The following SPOP variants were observed in gnomAD, a reference collection of about 807,000 sequenced individuals.
SPOP encodes speckle type BTB/POZ protein.
Under a neutral mutation model 45.6 loss-of-function variants are expected in SPOP, and 11 were observed. The observed-to-expected ratio is 0.24, with a 90% CI of 0.15 to 0.40. The LOEUF is 0.40. Among genes scored for constraint, SPOP ranks in the 10% least tolerant of loss-of-function variants. The pLI is 1.00. For missense variants in SPOP, 152 were observed against 465.6 expected (o/e 0.33, Z 6.20); for synonymous variants, 166 against 166.3 (o/e 1.00, Z 0.01).
chr17:49,644,390 G>A (rs1482615806), intron 1 of SPOP, among the ~76,000 whole-genome samples: 1 of 152,082 alleles, frequency 6.6e-6, no homozygotes, highest in Non-Finnish European at 1.5e-5. Context: ...CAAAGTGTTG[G>A]ACCCAGTGGG....
chr17:49,622,554 A>T (rs2072241242), intron 2 of SPOP, 179 bp downstream of exon 2: 1 of 606,444 alleles, frequency 1.6e-6, no homozygotes, highest in Admixed American at 3.0e-5. Context: ...AGCCTAGGGA[A>T]TTTAGATTCC....
At chr17:49,649,913 G>A (rs751696586) in intron 1 of SPOP, among the ~76,000 whole-genome samples, 15 of 152,040 alleles carry the variant, frequency 9.9e-5, no homozygotes, top group African/African-American at 1.4e-4. Context: ...TTATTGAGAC[G>A]GAGTTTCGCT....
At chr17:49,602,880 A>C (rs1301780938) in intron 8 of SPOP, among the ~76,000 whole-genome samples, 1 of 152,248 alleles carries the variant, frequency 6.6e-6, no homozygotes, top group African/African-American at 2.4e-5. Flanking sequence ...TGGTTCAGAT[A>C]CAGCTCTACC....
intron 1 of SPOP, among the ~76,000 whole-genome samples, chr17:49,673,803 A>G (rs1040374844): frequency 6.6e-6 from 1 of 152,072 alleles, no homozygotes; most frequent in Non-Finnish European, 1.5e-5. Flanking sequence ...CTGTTTTCTA[A>G]TTGTTCTCTT....
At chr17:49,602,299 T>A in intron 8 of SPOP, 1 of 259,612 alleles carries the variant, frequency 3.9e-6, no homozygotes, top group Non-Finnish European at 7.4e-6. Context: ...AAGTTTACTC[T>A]CCTCCTGACT....
intron 1 of SPOP, among the ~76,000 whole-genome samples, chr17:49,659,251 A>G (rs1431257080): frequency 2.0e-5 from 3 of 152,168 alleles, no homozygotes; most frequent in African/African-American, 7.2e-5. Context: ...CTATTTCTTG[A>G]TCTACGTTTT....
chr17:49,622,880 G>T lies in SPOP; in HGVS notation c.-66-4C>A. On this transcript the variant is annotated splice_polypyrimidine_tract_variant and splice_region_variant and intron_variant, in intron 1 of 9. Transcript: ENST00000504102. ...AGATTTCTGTTCCCTCTTCACCCTGGTCAGATCCAAGAAGCAAGAAAACTT... is the reference window on the plus strand; with the variant it reads ...AGATTTCTGTTCCCTCTTCACCCTGTTCAGATCCAAGAAGCAAGAAAACTT... 1 of 1,261,364 alleles carries T rather than the reference G, an allele frequency of 7.9e-7. No individual in the cohort carries two copies. The highest frequency in any genetic ancestry group is 1.2e-6 in the Non-Finnish European group (1 of 859,236). The allele number at this position is 1,261,364 out of a possible 1,614,324, so 78.1% of individuals were successfully genotyped here.
rs992928852 is a variant in SPOP at position 49,600,712 on chromosome 17, C to T, written c.981-190G>A. 12 of 611,848 alleles carry T rather than the reference C, an allele frequency of 2.0e-5. No individual in the cohort carries two copies. In the Admixed American group the frequency reaches 2.4e-4, roughly 12 times the overall value. The allele number at this position is 611,848 out of a possible 1,614,324, so 37.9% of individuals were successfully genotyped here. On this transcript the variant is annotated intron_variant, in intron 9 of 9. Coordinates refer to ENST00000504102, the MANE Select transcript of SPOP (RefSeq NM_001007228.2). The surrounding 1 kb of genome is among the most constrained non-coding windows in gnomAD (Gnocchi z 4.2). ...AGACTGGTGACTTGCCTGTGGCTGT[C>T]GTCATCTGAAAACCAAGACTTTGAG...
intron 1 of SPOP, among the ~76,000 whole-genome samples, chr17:49,647,450 ATGTTGTAATTATTTTTATT>A (rs1189711949): frequency 6.7e-6 from 1 of 149,536 alleles, no homozygotes; most frequent in Non-Finnish European, 1.5e-5. Flanking sequence ...AACGAATCCT[ATGTTGTAATTATTTTTATT>A]TTTTTTAAAT....
chr17:49,673,431 A>G (rs1486812387), intron 1 of SPOP, among the ~76,000 whole-genome samples: 1 of 151,484 alleles, frequency 6.6e-6, no homozygotes, highest in Non-Finnish European at 1.5e-5. Context: ...GCATGAACCC[A>G]GGAGGCGGAG....
At chr17:49,628,828 A>G (rs1260993048) in intron 1 of SPOP, among the ~76,000 whole-genome samples, 1 of 152,132 alleles carries the variant, frequency 6.6e-6, no homozygotes, top group African/African-American at 2.4e-5. Flanking sequence ...CTTCTTTTAT[A>G]CTTATGAACA....
upstream of SPOP, chr17:49,678,100 G>C: frequency 2.5e-6 from 1 of 397,518 alleles, no homozygotes; most frequent in Non-Finnish European, 4.4e-6. Flanking sequence ...GGGGCGTCAT[G>C]GCGTCAGCAC....
chr17:49,656,542 A>C (rs561418788), intron 1 of SPOP, among the ~76,000 whole-genome samples: 2 of 152,292 alleles, frequency 1.3e-5, no homozygotes, highest in African/African-American at 4.8e-5. Context: ...TCATACATAC[A>C]ACCATATGCC....
chr17:49,640,330 A>G (rs1425853791), intron 1 of SPOP, among the ~76,000 whole-genome samples: 3 of 152,142 alleles, frequency 2.0e-5, no homozygotes, highest in African/African-American at 4.8e-5. Flanking sequence ...CCAATAATAT[A>G]TAAGTGTGAG....
intron 1 of SPOP, among the ~76,000 whole-genome samples, chr17:49,634,522 C>G (rs376868943): frequency 1.2e-4 from 18 of 152,326 alleles, no homozygotes; most frequent in South Asian, 8.3e-4. Context: ...TTGACCCACT[C>G]CCCTCAATGA....
Position 49,600,406 on chromosome 17 carries a change from G to T in SPOP, c.1097C>A (p.Pro366His). ...GGATTGCTTCAGGCGTTTGCGTGGGGGTCCCAGAAAAGGGCACTGTGCTGA... is the reference window on the plus strand; with the variant it reads ...GGATTGCTTCAGGCGTTTGCGTGGGTGTCCCAGAAAAGGGCACTGTGCTGA... ...LASAQCPFLG[P>H]PRKRLKQS is the part of the protein sequence containing the mutation. The change falls in exon 10 of 10, where the codon CCC becomes CAC. Residue 366 changes from proline to histidine, a missense_variant. Around this residue, in one of 3 missense-constraint regions of SPOP, gnomAD observed 106 missense variants for 255.2 expected, o/e 0.42. Coordinates refer to ENST00000504102, the MANE Select transcript of SPOP (RefSeq NM_001007228.2). This position sits in a 1 kb window ranked among gnomAD's most constrained non-coding sequence, Gnocchi z 4.2. 1 of 1,614,078 alleles carries T rather than the reference G, an allele frequency of 6.2e-7. No homozygotes were observed. The highest frequency in any genetic ancestry group is 8.5e-7 in the Non-Finnish European group (1 of 1,180,006).
At chr17:49,605,984 C>T (rs756136741) in intron 8 of SPOP, among the ~76,000 whole-genome samples, 3 of 149,806 alleles carry the variant, frequency 2.0e-5, no homozygotes, top group Admixed American at 1.3e-4. Flanking sequence ...GCAAGACTCC[C>T]TTCTCAAAAA....
At chr17:49,675,819 C>A (rs1049182585) in intron 1 of SPOP, 3 of 152,058 alleles carry the variant, frequency 2.0e-5, no homozygotes, top group African/African-American at 7.3e-5. Flanking sequence ...GTCAGGAGTT[C>A]GAGACCAGCT....
At chr17:49,666,174 T>C (rs2073054931) in intron 1 of SPOP, among the ~76,000 whole-genome samples, 1 of 151,974 alleles carries the variant, frequency 6.6e-6, no homozygotes. Context: ...TATGGAAACA[T>C]TTAAGTGGCA....
Sources: gnomAD v4.1 joint callset for allele counts (sites outside exome capture counted in the v4.1 genomes callset) on GRCh38, gnomAD v4.1.1 for gene constraint, gnomAD v4.1.1 regional missense constraint, Gnocchi (gnomAD v3.1) non-coding constraint, MANE v1.5 for transcripts, NCBI Gene and HGNC (gene_info 2026-07-23, HGNC 2026-07-21) for gene names.